Variants in CACNA1H observed in about 807,000 individuals in gnomAD.
CACNA1H encodes voltage-dependent T-type calcium channel subunit alpha-1H.
In CACNA1H, 149 loss-of-function variants were observed where a neutral mutation model predicts 192.5. The observed-to-expected ratio is 0.77, with a 90% confidence interval of 0.68 to 0.89. The LOEUF is 0.89. Among genes scored for constraint, CACNA1H ranks in the 40% least tolerant of loss-of-function variants. The pLI is 0.00. For missense variants in CACNA1H, 4,257 were observed against 3,423.5 expected, an observed-to-expected ratio of 1.24 and a Z score of -6.08; for synonymous variants, 2,202 against 1,475.2, an observed-to-expected ratio of 1.49 and a Z score of -11.29.
chr16:1,180,174 C>T lies in CACNA1H; in HGVS notation c.300-14798C>T, dbSNP rs945436265. On this transcript the variant is annotated intron_variant, in intron 2 of 34. Coordinates refer to ENST00000348261, the MANE Select transcript of CACNA1H (RefSeq NM_021098.3). The surrounding 1 kb of genome is among the most constrained non-coding windows in gnomAD (Gnocchi z 4.4). ...TGGCTGGGTCCCTGTCCCTGCACAC[C>T]GGGTCAGCCGGCTCCTGGGTGCACA... 1.1e-4 allele frequency among the ~76,000 whole-genome samples: 17 copies of T among 152,028 alleles called. No homozygotes were observed. The highest frequency in any genetic ancestry group is 3.4e-4 in the African/African-American group (14 of 41,386).
intron 2 of CACNA1H, among the ~76,000 whole-genome samples, chr16:1,176,932 G>T (rs1964946472): frequency 1.3e-5 from 2 of 152,264 alleles, no homozygotes; most frequent in South Asian, 2.1e-4. Flanking sequence ...ATGTTCCGTG[G>T]ACAGGGTGGC....
At chr16:1,219,573 G>T (rs1425303407) in intron 34 of CACNA1H, among the ~76,000 whole-genome samples, 1 of 152,222 alleles carries the variant, frequency 6.6e-6, no homozygotes, top group Non-Finnish European at 1.5e-5. Context: ...CCCACCTGCA[G>T]CCTCAGCTCC....
chr16:1,211,567 C>G lies in CACNA1H; in HGVS notation c.4437C>G (p.Arg1479=). 1 of 1,611,230 alleles carries G rather than the reference C, an allele frequency of 6.2e-7. No homozygotes were observed. The highest frequency in any genetic ancestry group is 8.5e-7 in the Non-Finnish European group (1 of 1,179,220). The part of the protein sequence containing the change: ...TKAQCRAAHY[R]WVRRKYNFDN... ...CACAGTGCCGGGCCGCCCACTACCG[C>G]TGGGTGCGACGCAAGTACAACTTCG... is the stretch of plus-strand genomic sequence containing the variant. The change falls in exon 23 of 35, where the codon CGC becomes CGG. Residue 1479 remains arginine (R), a synonymous_variant. Transcript: ENST00000348261.
Position 1,215,544 on chromosome 16 carries a change from C to T in CACNA1H, c.5195C>T (p.Ala1732Val). The change falls in exon 30 of 35, where the codon GCT (alanine) becomes GTT (valine). Residue 1732 changes from alanine to valine, a missense_variant. Physicochemically the swap from Ala to Val is moderately conservative, Grantham distance 64. Transcript: ENST00000348261. ...IARVLKLLKM[A>V]TGMRALLDTV... ...CTAGTGCTGAAGCTGCTGAAGATGG[C>T]TACGGGCATGCGCGCCCTGCTGGAC... 6.2e-7 allele frequency: 1 copy of T among 1,611,894 alleles called. No individual in the cohort carries two copies. The highest frequency in any genetic ancestry group is 8.5e-7 in the Non-Finnish European group (1 of 1,179,564).
intron 26 of CACNA1H, 38 bp downstream of exon 26, chr16:1,212,566 T>G: frequency 1.3e-6 from 2 of 1,598,410 alleles, no homozygotes; most frequent in South Asian, 2.3e-5. Context: ...GCCCCGCTTC[T>G]GCGGCCGCTG....
chr16:1,212,096 C>A lies in CACNA1H; in HGVS notation c.4717C>A (p.Arg1573=). ...CCAGGAGGCGGAGGAGGCGCGGCGG[C>A]GAGAGGAGAAGCGGCTGCGGCGCCT... ...QHQEAEEARR[R]EEKRLRRLER... is the part of the protein sequence containing the mutation. Residue 1573 remains arginine (R), a synonymous_variant, in exon 25 of 35, where the codon CGA becomes AGA. Transcript: ENST00000348261. 2 of 1,611,564 alleles carry A rather than the reference C, an allele frequency of 1.2e-6. No homozygotes were observed. The highest frequency in any genetic ancestry group is 8.5e-7 in the Non-Finnish European group (1 of 1,179,586).
chr16:1,172,577 A>G (rs1964475149), intron 2 of CACNA1H, among the ~76,000 whole-genome samples: 1 of 152,056 alleles, frequency 6.6e-6, no homozygotes, highest in Admixed American at 6.5e-5. Context: ...GGTAGTCTGC[A>G]CTCCACACCG....
chr16:1,176,486 T>C (rs1386888934), intron 2 of CACNA1H, among the ~76,000 whole-genome samples: 1 of 152,192 alleles, frequency 6.6e-6, no homozygotes, highest in Non-Finnish European at 1.5e-5. Flanking sequence ...GGCATGGCAA[T>C]GACCTGTGGC....
At chr16:1,209,955 C>G (rs977936233) in intron 17 of CACNA1H, 80 bp from the exon 18 acceptor site, 1 of 1,062,822 alleles carries the variant, frequency 9.4e-7, no homozygotes, top group Non-Finnish European at 1.4e-6. Flanking sequence ...GGAGGGGTGG[C>G]CGAGCTGAGC....
rs1596446767 is a variant in CACNA1H at position 1,208,243 on chromosome 16, A to C, written c.3363+22A>C. On this transcript the variant is annotated intron_variant, in intron 16 of 34. Transcript: ENST00000348261. ...TCCGGTAGGGACCATCTCCTGCCCC[A>C]GCTCTCAGGCCCCTTCAGGTTTTCC... is the stretch of plus-strand genomic sequence containing the variant. 20 of 1,519,468 alleles carry C rather than the reference A, an allele frequency of 1.3e-5. No individual in the cohort carries two copies. In the East Asian group the frequency reaches 4.9e-4, roughly 37 times the overall value. The allele number at this position is 1,519,468 out of a possible 1,614,324, so 94.1% of individuals were successfully genotyped here.
chr16:1,211,090 G>T, intron 21 of CACNA1H, 78 bp from the exon 22 acceptor site: 1 of 1,578,296 alleles, frequency 6.3e-7, no homozygotes, highest in Admixed American at 1.7e-5. Context: ...GCCCCACCTT[G>T]GGACCTTTGC....
At position 1,218,481 on chromosome 16, in the gene CACNA1H, C is replaced by T. The variant is rs749054531; in HGVS notation, c.5717C>T (p.Pro1906Leu). The T allele has an allele frequency of 1.3e-5, 20 of 1,551,782 alleles. No individual in the cohort carries two copies. In the African/African-American group the frequency reaches 1.4e-4, roughly 11 times the overall value. Residue 1906 changes from proline to leucine, a missense_variant, in exon 33 of 35, where the codon CCG (proline) becomes CTG (leucine). Transcript: ENST00000348261. ...AGGCCTCCCTTGCCCCAGGAGAGTC[C>T]GGGCGCCAGGGACGCCCCAAACCTG... The part of the protein sequence containing the change: ...ADRPPLPQES[P>L]GARDAPNLVA...
chr16:1,212,363 C>T (rs1203888848), intron 25 of CACNA1H, 148 bp from the exon 26 acceptor site: 18 of 1,013,892 alleles, frequency 1.8e-5, no homozygotes, highest in South Asian at 1.3e-4. Context: ...CCATCCCCAG[C>T]GCCCAAGAGG....
At chr16:1,185,018 A>G (rs978708794) in intron 2 of CACNA1H, among the ~76,000 whole-genome samples, 11 of 152,170 alleles carry the variant, frequency 7.2e-5, no homozygotes, top group Non-Finnish European at 1.3e-4. Flanking sequence ...TCCAGAAGGA[A>G]ACCGCATCCC....
At chr16:1,176,101 G>A (rs768820558) in intron 2 of CACNA1H, among the ~76,000 whole-genome samples, 3 of 152,354 alleles carry the variant, frequency 2.0e-5, no homozygotes, top group South Asian at 2.1e-4. Context: ...ACACCTCATC[G>A]CAGATTGGCT....
rs1014679279 is a variant in CACNA1H, at chr16:1,219,062, C to T, written c.5980C>T (p.Pro1994Ser). Residue 1994 changes from proline to serine, a missense_variant, in exon 34 of 35, where the codon CCC (proline) becomes TCC (serine). Coordinates refer to ENST00000348261, the MANE Select transcript of CACNA1H (RefSeq NM_021098.3). The stretch of plus-strand genomic sequence containing the variant: ...GTCGTCCCCAGCCAGGAGCGGCGAG[C>T]CCCTCCACGCCCTGTCCCCTCGGGG... Reference protein sequence around the residue: ...AVSSPARSGEPLHALSPRGTA... With the variant: ...AVSSPARSGESLHALSPRGTA... 1.4e-5 allele frequency: 22 copies of T among 1,549,644 alleles called. No homozygotes were observed. Among genetic ancestry groups the T allele is most frequent in the African/African-American group, 4.1e-5 (3 of 73,050 alleles).
At chr16:1,154,364 C>G (rs1675727930) in intron 2 of CACNA1H, among the ~76,000 whole-genome samples, 1 of 152,124 alleles carries the variant, frequency 6.6e-6, no homozygotes. Flanking sequence ...TCCTCGCGGC[C>G]CCAAGGGTGT....
rs1426163060 is a variant in CACNA1H at position 1,212,123 on chromosome 16, G to T, written c.4744G>T (p.Glu1582Ter). ...AGAGGAGAAGCGGCTGCGGCGCCTA[G>T]AGAGGAGGCGCAGGAGTAAGGCGCT... ...RREEKRLRRL[E>*]RRRRSTFPSP... Residue 1582 changes from glutamate (E) to a stop codon, truncating the protein, a stop_gained, in exon 25 of 35, where the codon GAG (glutamate) becomes TAG (stop). Coordinates refer to ENST00000348261, the MANE Select transcript of CACNA1H (RefSeq NM_021098.3). LOFTEE classifies it high-confidence loss of function. 2 of 1,607,032 alleles carry T rather than the reference G, an allele frequency of 1.2e-6. No homozygotes were observed. Among genetic ancestry groups the T allele is most frequent in the Non-Finnish European group, 1.7e-6 (2 of 1,179,368 alleles).
intron 2 of CACNA1H, among the ~76,000 whole-genome samples, chr16:1,194,157 G>A (rs533373719): frequency 6.6e-6 from 1 of 152,174 alleles, no homozygotes; most frequent in East Asian, 1.9e-4. Context: ...CAAGTCCAGA[G>A]CCAGGGGTGG....
Sources: gnomAD v4.1 joint callset for allele counts (sites outside exome capture counted in the v4.1 genomes callset) on GRCh38, gnomAD v4.1.1 for gene constraint, Gnocchi (gnomAD v3.1) non-coding constraint, MANE v1.5 for transcripts, NCBI Gene and HGNC (gene_info 2026-07-23, HGNC 2026-07-21) for gene names.